SMAD9: variants seen among roughly 807,000 people sequenced by gnomAD.
SMAD9 encodes MAD homolog 9.
SMAD9 carries 36 observed loss-of-function variants against 46.1 expected under a neutral mutation model. The ratio of observed to expected loss-of-function variants is 0.78; its 90% CI spans 0.60 to 1.03. The LOEUF (loss-of-function observed/expected upper bound fraction) is 1.03. SMAD9 is among the 50% of genes least tolerant of loss of function. The probability of loss-of-function intolerance (pLI) is 0.00; values close to 1 mark genes in which losing one functional copy is unlikely to be tolerated. For missense variants in SMAD9, 572 were observed against 599.8 expected, an observed-to-expected ratio of 0.95 and a Z score of 0.48; for synonymous variants, 245 against 237.1, an observed-to-expected ratio of 1.03 and a Z score of -0.31.
In SMAD9 at chr13:36,879,740, G is replaced by C; in HGVS notation, c.-51C>G. The C allele has an allele frequency of 1.2e-6, 2 of 1,605,032 alleles. No individual in the cohort carries two copies. Among genetic ancestry groups the C allele is most frequent in the Non-Finnish European group, 1.7e-6 (2 of 1,175,886 alleles). ...GCACGGGAACCGCACAGCCCTTCAC[G>C]GCAAAGTGGGCGGCGAGTAGCTCTC... On this transcript the variant is annotated 5_prime_UTR_variant, in exon 2 of 7. Coordinates refer to ENST00000379826, the MANE Select transcript of SMAD9 (RefSeq NM_001127217.3).
chr13:36,851,023 T>A (rs1410192267), intron 6 of SMAD9, among the ~76,000 whole-genome samples: 1 of 152,172 alleles, frequency 6.6e-6, no homozygotes, highest in African/African-American at 2.4e-5. Context: ...TATAGCCTCC[T>A]AAGTGGTTTC....
intron 1 of SMAD9, among the ~76,000 whole-genome samples, chr13:36,902,541 C>T (rs1271377441): frequency 6.6e-6 from 1 of 151,944 alleles, no homozygotes; most frequent in Admixed American, 6.6e-5. Flanking sequence ...GCAACCTCTG[C>T]CTCCCGGGTT....
At chr13:36,885,652 C>G (rs1172549858) in intron 1 of SMAD9, among the ~76,000 whole-genome samples, 5 of 151,558 alleles carry the variant, frequency 3.3e-5, no homozygotes, top group African/African-American at 1.2e-4. Context: ...GGTGGAATAC[C>G]TTTGGTCCAC....
chr13:36,854,372 A>T (rs7999444), intron 5 of SMAD9, among the ~76,000 whole-genome samples: 75 of 145,456 alleles, frequency 5.2e-4, no homozygotes, highest in Admixed American at 1.1e-3. Context: ...CACAAATTTT[A>T]TTTTTTTTTT....
intron 2 of SMAD9, among the ~76,000 whole-genome samples, chr13:36,875,380 GT>G (rs1287306311): frequency 6.6e-6 from 1 of 152,092 alleles, no homozygotes; most frequent in Non-Finnish European, 1.5e-5. Context: ...TAAATAAAAG[GT>G]TTTAAACTAA....
intron 1 of SMAD9, among the ~76,000 whole-genome samples, chr13:36,884,326 C>T (rs2058427639): frequency 6.6e-6 from 1 of 152,156 alleles, no homozygotes; most frequent in Admixed American, 6.5e-5. Flanking sequence ...GTTCATAAGC[C>T]CAGATCCCCC....
At chr13:36,882,170 C>T (rs1054643297) in intron 1 of SMAD9, among the ~76,000 whole-genome samples, 3 of 150,914 alleles carry the variant, frequency 2.0e-5, no homozygotes, top group African/African-American at 4.9e-5. Flanking sequence ...GAGCAGCTGA[C>T]GAAAAATAAG....
intron 2 of SMAD9, 95 bp downstream of exon 2, chr13:36,879,183 G>C: frequency 2.7e-6 from 3 of 1,097,078 alleles, no homozygotes; most frequent in Non-Finnish European, 4.1e-6. Flanking sequence ...TCTTTTGGGA[G>C]AGGTCCCTGT....
In SMAD9 at chr13:36,876,557, GTC is replaced by G. The variant is rs199717595; in HGVS notation, c.412+2719_412+2720del. Among the ~76,000 whole-genome samples, 740 of 152,222 alleles carry G rather than the reference GTC, an allele frequency of 4.9e-3. 5 individuals carry two copies. Among genetic ancestry groups the G allele is most frequent in the African/African-American group, 0.016 (682 of 41,538 alleles). On this transcript the variant is annotated intron_variant, in intron 2 of 6. Transcript: ENST00000379826. ...TTAAAATTGGGCTTATATTTTCTAA[GTC>G]TTTTTAAAATTTCATTTGCCTAGTA...
At chr13:36,863,903 T>G (rs185055484) in intron 5 of SMAD9, among the ~76,000 whole-genome samples, 59 of 152,272 alleles carry the variant, frequency 3.9e-4, no homozygotes, top group Non-Finnish European at 7.5e-4. Flanking sequence ...TGAAACAGAC[T>G]ACCACACACT....
At chr13:36,873,008 T>A (rs1451525371) in intron 2 of SMAD9, 93 bp from the exon 3 acceptor site, 1 of 1,448,852 alleles carries the variant, frequency 6.9e-7, no homozygotes, top group Non-Finnish European at 9.6e-7. Context: ...TATTTTTTGT[T>A]TATGATAGAG....
intron 1 of SMAD9, among the ~76,000 whole-genome samples, chr13:36,888,126 A>G (rs997382281): frequency 1.3e-5 from 2 of 152,320 alleles, no homozygotes; most frequent in African/African-American, 4.8e-5. Context: ...TTCACCCTGC[A>G]ACCAGAGTTG....
chr13:36,853,774 G>A, intron 5 of SMAD9, 99 bp from the exon 6 acceptor site: 1 of 1,220,898 alleles, frequency 8.2e-7, no homozygotes, highest in East Asian at 2.3e-5. Context: ...CTCCCATCAG[G>A]TTGTCAGATC....
At chr13:36,900,774 A>G (rs943598345) in intron 1 of SMAD9, among the ~76,000 whole-genome samples, 3 of 152,126 alleles carry the variant, frequency 2.0e-5, no homozygotes, top group Non-Finnish European at 4.4e-5. Context: ...TTAAAGTGAA[A>G]TGCACGTAAC....
intron 1 of SMAD9, among the ~76,000 whole-genome samples, chr13:36,919,108 G>A (rs1190738630): frequency 6.6e-6 from 1 of 152,120 alleles, no homozygotes; most frequent in Non-Finnish European, 1.5e-5. Flanking sequence ...CTCCAAACTC[G>A]ATTTGTATCC....
intron 6 of SMAD9, chr13:36,852,445 C>T: frequency 1.0e-6 from 1 of 985,416 alleles, no homozygotes; most frequent in Non-Finnish European, 1.2e-6. Context: ...AAGGCTTTCA[C>T]TTCCATATAC....
At chr13:36,890,832 C>T (rs2058483551) in intron 1 of SMAD9, among the ~76,000 whole-genome samples, 2 of 151,966 alleles carry the variant, frequency 1.3e-5, no homozygotes, top group South Asian at 4.2e-4. Flanking sequence ...CCCATGACCC[C>T]ATCTCTCTCA....
At chr13:36,919,086 A>G (rs1423357619) in intron 1 of SMAD9, among the ~76,000 whole-genome samples, 1 of 152,242 alleles carries the variant, frequency 6.6e-6, no homozygotes, top group Non-Finnish European at 1.5e-5. Flanking sequence ...AAGAATTTAC[A>G]TACAATTTTA....
Position 36,878,917 on chromosome 13 carries a change from G to A in SMAD9, c.412+361C>T, listed in dbSNP as rs1593588416. 3.3e-5 allele frequency among the ~76,000 whole-genome samples: 5 copies of A among 152,208 alleles called. No individual in the cohort carries two copies. The South Asian group carries it at 1.0e-3, about 32-fold the overall frequency. ...TGCCTCATTTTCAAAATCACACAAAGCTTACCAGCATAATGAAATCAAATG... is the reference window on the plus strand; with the variant it reads ...TGCCTCATTTTCAAAATCACACAAAACTTACCAGCATAATGAAATCAAATG... On this transcript the variant is annotated intron_variant, in intron 2 of 6. Transcript: ENST00000379826.
Sources: allele counts gnomAD v4.1 joint callset (sites outside exome capture counted in the v4.1 genomes callset), GRCh38; gene constraint gnomAD v4.1.1; transcripts MANE v1.5; gene names NCBI Gene and HGNC (gene_info 2026-07-23, HGNC 2026-07-21).